LRRC37A2: variants seen among roughly 807,000 people sequenced by gnomAD.
LRRC37A2 encodes leucine-rich repeat-containing protein 37A2.
A neutral mutation model predicts 68.8 loss-of-function variants in LRRC37A2; 9 were observed. The observed-to-expected ratio is 0.13, with a 90% CI of 0.08 to 0.23. The LOEUF is 0.23. Ranked by LOEUF, LRRC37A2 falls within the 10% of genes least tolerant of loss-of-function variation. The pLI is 1.00. For missense variants in LRRC37A2, 168 were observed against 950.4 expected (o/e 0.18, Z 10.82); for synonymous variants, 63 against 367.6 (o/e 0.17, Z 9.48).
the LRRC37A2 span, among the ~76,000 whole-genome samples, chr17:46,776,788 G>A: frequency 6.6e-6 from 1 of 152,114 alleles, no homozygotes; most frequent in Admixed American, 6.6e-5. Context: ...TTCCTCTGGT[G>A]TTTGGGACCC....
chr17:46,691,997 T>G, the LRRC37A2 span, among the ~76,000 whole-genome samples: 1 of 148,288 alleles, frequency 6.7e-6, no homozygotes, highest in Non-Finnish European at 1.5e-5. Flanking sequence ...AGTTGATCCA[T>G]CCTCCTCTGC....
the LRRC37A2 span, among the ~76,000 whole-genome samples, chr17:46,711,516 A>G: frequency 6.6e-6 from 1 of 152,214 alleles, no homozygotes; most frequent in Non-Finnish European, 1.5e-5. Flanking sequence ...GTGTAAAGAA[A>G]TTCCTGACTA....
At chr17:46,925,352 A>G in the LRRC37A2 span, among the ~76,000 whole-genome samples, 1 of 152,218 alleles carries the variant, frequency 6.6e-6, no homozygotes, top group East Asian at 1.9e-4. Flanking sequence ...AATTCATTGA[A>G]TATTTATTGA....
At chr17:47,008,313 G>A in the LRRC37A2 span, among the ~76,000 whole-genome samples, 1 of 151,712 alleles carries the variant, frequency 6.6e-6, no homozygotes. Context: ...GGGTTTCACC[G>A]TGTTAGCCAG....
At chr17:46,945,804 C>G in the LRRC37A2 span, among the ~76,000 whole-genome samples, 1 of 152,174 alleles carries the variant, frequency 6.6e-6, no homozygotes, top group African/African-American at 2.4e-5. Flanking sequence ...AGAATAATCA[C>G]TGCTGCCCCC....
chr17:47,043,030 G>T, the LRRC37A2 span, among the ~76,000 whole-genome samples: 81 of 150,468 alleles, frequency 5.4e-4, no homozygotes, highest in African/African-American at 1.9e-3. Flanking sequence ...ACCACATAAG[G>T]TATTTGCTGA....
At chr17:46,899,446 C>A in the LRRC37A2 span, among the ~76,000 whole-genome samples, 1 of 152,072 alleles carries the variant, frequency 6.6e-6, no homozygotes, top group East Asian at 1.9e-4. Context: ...AAACAAAGTA[C>A]TGACATTGAC....
At chr17:46,840,319 C>T in the LRRC37A2 span, among the ~76,000 whole-genome samples, 1 of 152,102 alleles carries the variant, frequency 6.6e-6, no homozygotes, top group Non-Finnish European at 1.5e-5. Flanking sequence ...ATCTCCTGAC[C>T]TCATGATCCA....
At chr17:46,988,087 G>A in the LRRC37A2 span, among the ~76,000 whole-genome samples, 97 of 152,304 alleles carry the variant, frequency 6.4e-4, no homozygotes, top group Middle Eastern at 3.4e-3. Flanking sequence ...TAGGACAATC[G>A]CTTGAACTTG....
the LRRC37A2 span, among the ~76,000 whole-genome samples, chr17:46,974,907 G>A: frequency 6.6e-6 from 1 of 151,928 alleles, no homozygotes; most frequent in Admixed American, 6.6e-5. Context: ...TGGCATATTA[G>A]GCATTCGCTA....
the LRRC37A2 span, among the ~76,000 whole-genome samples, chr17:46,454,187 AT>A: frequency 0.036 from 3,698 of 103,680 alleles, 542 homozygotes; most frequent in African/African-American, 0.11. Flanking sequence ...TTGCAAATGT[AT>A]TTTTTTTTTA....
the LRRC37A2 span, among the ~76,000 whole-genome samples, chr17:46,842,983 C>G: frequency 1.3e-5 from 2 of 152,158 alleles, no homozygotes; most frequent in Admixed American, 6.5e-5. Flanking sequence ...TAAGTTAGGA[C>G]CCAGGGTTCT....
chr17:46,803,672 T>TGCCCATCCCTTCTGCATCCC, the LRRC37A2 span, among the ~76,000 whole-genome samples: 16 of 152,350 alleles, frequency 1.1e-4, no homozygotes, highest in Middle Eastern at 3.4e-3. Context: ...GCCTGCAGCC[T>TGCCCATCCCTTCTGCATCCC]GCCCATCCCT....
At chr17:46,935,426 A>T in the LRRC37A2 span, 182 of 1,420,532 alleles carry the variant, frequency 1.3e-4, no homozygotes, top group Non-Finnish European at 1.6e-4. Context: ...CATTTACTGA[A>T]CTTATCATGA....
chr17:46,610,099 TTCTCTCTCTCTCTC>T, the LRRC37A2 span, among the ~76,000 whole-genome samples: 4 of 89,498 alleles, frequency 4.5e-5, no homozygotes, highest in East Asian at 9.8e-4. Context: ...TTTTCTCTCT[TTCTCTCTCTCTCTC>T]TCTCTCTCTC....
chr17:46,983,900 C>G, the LRRC37A2 span: 1 of 152,266 alleles, frequency 6.6e-6, no homozygotes, highest in Non-Finnish European at 1.5e-5. Flanking sequence ...CAAGGTGACC[C>G]CTTACACGGC....
the LRRC37A2 span, among the ~76,000 whole-genome samples, chr17:46,945,083 G>C: frequency 6.6e-6 from 1 of 152,172 alleles, no homozygotes; most frequent in Admixed American, 6.5e-5. Flanking sequence ...CATTAACCAG[G>C]AAGAGCTTTC....
the LRRC37A2 span, among the ~76,000 whole-genome samples, chr17:46,716,085 A>G: frequency 6.6e-6 from 1 of 152,210 alleles, no homozygotes; most frequent in Non-Finnish European, 1.5e-5. Flanking sequence ...AAATATTACA[A>G]AATATTTCCC....
the LRRC37A2 span, among the ~76,000 whole-genome samples, chr17:46,844,093 A>G: frequency 6.6e-6 from 1 of 152,054 alleles, no homozygotes; most frequent in African/African-American, 2.4e-5. Flanking sequence ...AGCTGGGACT[A>G]CAGGCATGTG....
Sources: gnomAD v4.1 joint callset for allele counts (sites outside exome capture counted in the v4.1 genomes callset) on GRCh38, gnomAD v4.1.1 for gene constraint, MANE v1.5 for transcripts, NCBI Gene and HGNC (gene_info 2026-07-23, HGNC 2026-07-21) for gene names.